The following IMMP2L variants were observed in gnomAD, a reference collection of about 807,000 sequenced individuals.
IMMP2L encodes the protein mitochondrial inner membrane protease subunit 2.
In IMMP2L, 18 loss-of-function variants were observed where a neutral mutation model predicts 19.3. The observed-to-expected ratio is 0.93, with a 90% CI of 0.64 to 1.38. The LOEUF is 1.38. IMMP2L is among the 40% of genes most tolerant of loss of function. The pLI is 0.00. For missense variants in IMMP2L, 233 were observed against 218.2 expected, an observed-to-expected ratio of 1.07 and a Z score of -0.43; for synonymous variants, 76 against 73.0, an observed-to-expected ratio of 1.04 and a Z score of -0.21.
chr7:110,964,778 C>T (rs1198084195), intron 3 of IMMP2L, among the ~76,000 whole-genome samples: 6 of 151,924 alleles, frequency 3.9e-5, no homozygotes. Context: ...TCCCCTCCTT[C>T]CTTCCTCTTT....
chr7:111,038,625 TA>T (rs1211099102), intron 3 of IMMP2L, among the ~76,000 whole-genome samples: 1 of 152,102 alleles, frequency 6.6e-6, no homozygotes, highest in Non-Finnish European at 1.5e-5. Flanking sequence ...CCCTTGGGCA[TA>T]AAACTATACA....
intron 3 of IMMP2L, among the ~76,000 whole-genome samples, chr7:111,482,543 C>T (rs1189750309): frequency 1.3e-5 from 2 of 152,126 alleles, no homozygotes; most frequent in African/African-American, 2.4e-5. Flanking sequence ...TCCTTCTTTG[C>T]TTCCTAGCAG....
intron 3 of IMMP2L, among the ~76,000 whole-genome samples, chr7:111,299,277 A>G (rs917000732): frequency 4.4e-4 from 67 of 152,312 alleles, no homozygotes; most frequent in African/African-American, 1.5e-3. Flanking sequence ...TTATGCATAA[A>G]TAATGTACCA....
At chr7:111,178,678 A>C (rs575617812) in intron 3 of IMMP2L, among the ~76,000 whole-genome samples, 2 of 152,206 alleles carry the variant, frequency 1.3e-5, no homozygotes, top group East Asian at 3.9e-4. Flanking sequence ...CTATCTCAAG[A>C]AACCACTTTC....
At chr7:111,102,335 C>T (rs1318102164) in intron 3 of IMMP2L, among the ~76,000 whole-genome samples, 1 of 151,312 alleles carries the variant, frequency 6.6e-6, no homozygotes, top group African/African-American at 2.4e-5. Context: ...AAACTCAACC[C>T]TATAGAGAAA....
chr7:111,295,250 C>T (rs1038043568), intron 3 of IMMP2L, among the ~76,000 whole-genome samples: 4 of 151,872 alleles, frequency 2.6e-5, no homozygotes, highest in African/African-American at 9.7e-5. Flanking sequence ...CACAATTTGG[C>T]ACTTAATTTT....
At chr7:111,500,813 A>C (rs1844145338) in intron 2 of IMMP2L, among the ~76,000 whole-genome samples, 1 of 152,012 alleles carries the variant, frequency 6.6e-6, no homozygotes, top group Admixed American at 6.6e-5. Context: ...CACACCAAAA[A>C]CCCATCTGTA....
At chr7:111,300,491 T>G (rs1822107397) in intron 3 of IMMP2L, among the ~76,000 whole-genome samples, 1 of 152,108 alleles carries the variant, frequency 6.6e-6, no homozygotes, top group Non-Finnish European at 1.5e-5. Context: ...AGTAGTGACA[T>G]CTTGCAAAAA....
In IMMP2L at chr7:110,868,935, A is replaced by C. The variant is rs547039536; in HGVS notation, c.408+17658T>G. Among the ~76,000 whole-genome samples the C allele has an allele frequency of 1.8e-3, 268 of 152,162 alleles. 1 individual carries two copies. The highest frequency in any genetic ancestry group is 5.9e-3 in the African/African-American group (247 of 41,548). ...AATTTCTTGAAAAAAATTAAAACAA[A>C]AAAAAAAGAGGGAGACTCCAATTAT... On this transcript the variant is annotated intron_variant, in intron 5 of 5. Transcript: ENST00000405709.
At chr7:110,884,342 T>C (rs893204897) in intron 5 of IMMP2L, among the ~76,000 whole-genome samples, 4 of 151,972 alleles carry the variant, frequency 2.6e-5, no homozygotes, top group African/African-American at 4.8e-5. Flanking sequence ...TAAGCAACTA[T>C]AAAGCAACAC....
At position 110,813,965 on chromosome 7, in the gene IMMP2L, G is replaced by T. The variant is rs182450446; in HGVS notation, c.408+72628C>A. Among the ~76,000 whole-genome samples the T allele has an allele frequency of 1.6e-3, 237 of 152,016 alleles. 1 individual carries two copies. Among genetic ancestry groups the T allele is most frequent in the African/African-American group, 5.3e-3 (218 of 41,492 alleles). ...CTCAACTAATTTCCTGGACAGAAACGTATTTTCCATACTTAATTCAGAACA... is the reference window on the plus strand; with the variant it reads ...CTCAACTAATTTCCTGGACAGAAACTTATTTTCCATACTTAATTCAGAACA... On this transcript the variant is annotated intron_variant, in intron 5 of 5. Transcript: ENST00000405709.
Position 111,060,162 on chromosome 7 carries a change from A to C in IMMP2L, c.240-96597T>G, listed in dbSNP as rs114571380. Among the ~76,000 whole-genome samples, 714 of 152,342 alleles carry C rather than the reference A, an allele frequency of 4.7e-3. 8 individuals carry two copies. Among genetic ancestry groups the C allele is most frequent in the African/African-American group, 0.017 (689 of 41,570 alleles). On this transcript the variant is annotated intron_variant, in intron 3 of 5. Transcript: ENST00000405709. ...TTTAAAAAATAAATATTCATTTGCT[A>C]TCAAGATGGGTATGACCTTTTTACC...
At chr7:110,965,248 AT>A in intron 3 of IMMP2L, among the ~76,000 whole-genome samples, 1 of 152,086 alleles carries the variant, frequency 6.6e-6, no homozygotes, top group Non-Finnish European at 1.5e-5. Context: ...AGATAAAAAT[AT>A]TTTAAATTCA....
chr7:110,811,842 T>G (rs1220199236), intron 5 of IMMP2L, among the ~76,000 whole-genome samples: 1 of 151,966 alleles, frequency 6.6e-6, no homozygotes, highest in Non-Finnish European at 1.5e-5. Flanking sequence ...TAAGTAGAAT[T>G]GACTCCACCT....
chr7:111,410,531 T>C (rs1834310369), intron 3 of IMMP2L, among the ~76,000 whole-genome samples: 1 of 149,666 alleles, frequency 6.7e-6, no homozygotes, highest in Admixed American at 6.6e-5. Context: ...AAAAAAAAAT[T>C]AGAGACAGAC....
At chr7:110,921,193 C>CT (rs1167585707) in intron 4 of IMMP2L, among the ~76,000 whole-genome samples, 1 of 152,158 alleles carries the variant, frequency 6.6e-6, no homozygotes, top group Non-Finnish European at 1.5e-5. Flanking sequence ...TGGCTGAACT[C>CT]TGACAAATAG....
chr7:111,258,351 G>A (rs1816952080), intron 3 of IMMP2L, among the ~76,000 whole-genome samples: 1 of 151,598 alleles, frequency 6.6e-6, no homozygotes, highest in South Asian at 2.1e-4. Flanking sequence ...GAAGATCAAG[G>A]GTAAAATATA....
chr7:110,925,206 T>C (rs2129550972), intron 4 of IMMP2L, among the ~76,000 whole-genome samples: 1 of 152,272 alleles, frequency 6.6e-6, no homozygotes, highest in East Asian at 1.9e-4. Flanking sequence ...GATATACTGT[T>C]GAGTGAACAG....
intron 3 of IMMP2L, among the ~76,000 whole-genome samples, chr7:111,098,120 T>C (rs1401987168): frequency 6.6e-6 from 1 of 151,900 alleles, no homozygotes; most frequent in African/African-American, 2.4e-5. Flanking sequence ...TTCACAGTCA[T>C]TCTTGAATGA....
Sources: gnomAD v4.1 joint callset for allele counts (sites outside exome capture counted in the v4.1 genomes callset) on GRCh38, gnomAD v4.1.1 for gene constraint, MANE v1.5 for transcripts, NCBI Gene and HGNC (gene_info 2026-07-23, HGNC 2026-07-21) for gene names.